The following CAPSL variants were observed in gnomAD, a reference collection of about 807,000 sequenced individuals.
The protein encoded by CAPSL is calcyphosin-like protein.
Under a neutral mutation model 21.3 loss-of-function variants are expected in CAPSL, and 17 were observed. The ratio of observed to expected loss-of-function variants is 0.80; its 90% CI spans 0.55 to 1.20. CAPSL has a LOEUF of 1.20. Among genes scored for constraint, CAPSL ranks in the 50% most tolerant of loss-of-function variants. The pLI is 0.00. For synonymous variants in CAPSL, 102 were observed against 89.3 expected (o/e 1.14, Z -0.80); for missense variants, 289 against 259.3 (o/e 1.11, Z -0.79).
chr5:35,933,702 C>T (rs1738876092), intron 1 of CAPSL, among the ~76,000 whole-genome samples: 1 of 152,190 alleles, frequency 6.6e-6, no homozygotes, highest in African/African-American at 2.4e-5. Flanking sequence ...GCAGAGGGGA[C>T]ACACACTAAG....
At chr5:35,912,681 T>C (rs969367050) in intron 2 of CAPSL, among the ~76,000 whole-genome samples, 1 of 151,988 alleles carries the variant, frequency 6.6e-6, no homozygotes, top group African/African-American at 2.4e-5. Context: ...AACAAACAGA[T>C]AGGACATCCA....
chr5:35,927,948 C>A (rs1738726427), intron 1 of CAPSL, among the ~76,000 whole-genome samples: 1 of 152,134 alleles, frequency 6.6e-6, no homozygotes, highest in African/African-American at 2.4e-5. Context: ...TACAGTTGTG[C>A]TGCTAGAACA....
intron 1 of CAPSL, among the ~76,000 whole-genome samples, chr5:35,926,679 TTCTC>T (rs1158065348): frequency 1.3e-5 from 2 of 152,156 alleles, no homozygotes; most frequent in Non-Finnish European, 2.9e-5. Flanking sequence ...CTCTCTTCCT[TTCTC>T]TGTTCCTCTC....
intron 1 of CAPSL, among the ~76,000 whole-genome samples, chr5:35,929,584 C>T (rs1052600915): frequency 6.6e-6 from 1 of 152,136 alleles, no homozygotes; most frequent in African/African-American, 2.4e-5. Flanking sequence ...CCACCACGCC[C>T]GGCCTTGAAA....
intron 3 of CAPSL, 115 bp from the exon 4 acceptor site, chr5:35,910,190 T>C (rs951639923): frequency 1.8e-6 from 2 of 1,098,714 alleles, no homozygotes; most frequent in Non-Finnish European, 2.6e-6. Context: ...ATTTGTGTGC[T>C]ATTATGTAAT....
chr5:35,932,170 G>A (rs150263244), intron 1 of CAPSL, among the ~76,000 whole-genome samples: 27 of 152,258 alleles, frequency 1.8e-4, no homozygotes, highest in Non-Finnish European at 3.4e-4. Flanking sequence ...GAAATCCAAT[G>A]TCATAGTGCC....
At chr5:35,915,740 C>A (rs1738362401) in intron 2 of CAPSL, among the ~76,000 whole-genome samples, 1 of 152,162 alleles carries the variant, frequency 6.6e-6, no homozygotes, top group Non-Finnish European at 1.5e-5. Flanking sequence ...CTATGACAAA[C>A]CCACAGCCAG....
chr5:35,907,923 C>A lies in CAPSL; in HGVS notation c.525+1943G>T, dbSNP rs35221690. On this transcript the variant is annotated intron_variant, in intron 4 of 4. Transcript: ENST00000651391. ...TGGAGTTCCTCTACAACAACAATTT[C>A]TTGTGCATTTAAAATACAATTCAGT... Among the ~76,000 whole-genome samples, 437 of 152,296 alleles carry A rather than the reference C, an allele frequency of 2.9e-3. 2 individuals carry two copies. The highest frequency in any genetic ancestry group is 4.9e-3 in the Non-Finnish European group (336 of 68,020).
chr5:35,920,177 C>T (rs765945516), intron 2 of CAPSL, among the ~76,000 whole-genome samples: 1 of 152,178 alleles, frequency 6.6e-6, no homozygotes, highest in Admixed American at 6.5e-5. Flanking sequence ...CCTTCCGCAT[C>T]TTCTGGGTCC....
chr5:35,905,638 C>T (rs1376134991), intron 4 of CAPSL, among the ~76,000 whole-genome samples: 3 of 152,236 alleles, frequency 2.0e-5, no homozygotes, highest in Non-Finnish European at 4.4e-5. Context: ...CCATTAGCAT[C>T]CCCCTTTGTT....
chr5:35,938,702 C>A (rs563238781), upstream of CAPSL: 4 of 152,612 alleles, frequency 2.6e-5, no homozygotes, highest in Non-Finnish European at 5.9e-5. Context: ...AATTGGAGGA[C>A]CTGGGATCAC....
chr5:35,915,983 T>G (rs1157177134), intron 2 of CAPSL, among the ~76,000 whole-genome samples: 2 of 152,092 alleles, frequency 1.3e-5, no homozygotes, highest in African/African-American at 4.8e-5. Flanking sequence ...CAGCCCAAAA[T>G]CTTCTTAAGC....
chr5:35,924,825 G>A (rs919685452), intron 1 of CAPSL, among the ~76,000 whole-genome samples: 1 of 152,146 alleles, frequency 6.6e-6, no homozygotes, highest in African/African-American at 2.4e-5. Context: ...TAAGCACCGG[G>A]GCTTTTAAGG....
intron 1 of CAPSL, among the ~76,000 whole-genome samples, chr5:35,929,768 C>T (rs184882693): frequency 1.3e-5 from 2 of 152,166 alleles, no homozygotes; most frequent in East Asian, 1.9e-4. Flanking sequence ...GAGTGAGGAC[C>T]GGAGTGCAGA....
chr5:35,919,349 A>G (rs1473715488), intron 2 of CAPSL, among the ~76,000 whole-genome samples: 1 of 152,092 alleles, frequency 6.6e-6, no homozygotes, highest in Non-Finnish European at 1.5e-5. Flanking sequence ...CTAGAGAAGT[A>G]TCTACATTTA....
chr5:35,937,024 C>T (rs1166596670), intron 1 of CAPSL, among the ~76,000 whole-genome samples: 1 of 152,216 alleles, frequency 6.6e-6, no homozygotes, highest in Non-Finnish European at 1.5e-5. Context: ...TAACCCTTTA[C>T]ATCCAAATAG....
chr5:35,935,155 A>C (rs1247153225), intron 1 of CAPSL, among the ~76,000 whole-genome samples: 1 of 152,014 alleles, frequency 6.6e-6, no homozygotes, highest in Non-Finnish European at 1.5e-5. Context: ...TCAGAGATGT[A>C]CTCTCCATTT....
chr5:35,936,530 A>C (rs747746790), intron 1 of CAPSL, among the ~76,000 whole-genome samples: 1 of 152,204 alleles, frequency 6.6e-6, no homozygotes, highest in Non-Finnish European at 1.5e-5. Flanking sequence ...ATACTCTTCA[A>C]TAAGTCATTG....
At chr5:35,935,610 C>T (rs1478792972) in intron 1 of CAPSL, among the ~76,000 whole-genome samples, 3 of 152,186 alleles carry the variant, frequency 2.0e-5, no homozygotes, top group Non-Finnish European at 4.4e-5. Flanking sequence ...GCTGAGATTA[C>T]AGACATGAGC....
Sources: allele counts gnomAD v4.1 joint callset (sites outside exome capture counted in the v4.1 genomes callset), GRCh38; gene constraint gnomAD v4.1.1; transcripts MANE v1.5; gene names NCBI Gene and HGNC (gene_info 2026-07-23, HGNC 2026-07-21).